The following DMD variants were observed in gnomAD, a reference collection of about 807,000 sequenced individuals.
The protein encoded by DMD is mutant dystrophin.
In DMD, 63 loss-of-function variants were observed where a neutral mutation model predicts 330.1. The observed-to-expected ratio is 0.19, with a 90% CI of 0.16 to 0.24. The LOEUF is 0.24. DMD is among the 10% of genes least tolerant of loss of function. The pLI is 1.00. For missense variants in DMD, 3,344 were observed against 2,684.1 expected (o/e 1.25, Z -5.43); for synonymous variants, 1,223 against 959.8 (o/e 1.27, Z -5.07).
intron 43 of DMD, among the ~76,000 whole-genome samples, chrX:32,267,348 C>T (rs982241286): frequency 8.9e-6 from 1 of 112,033 alleles, no homozygotes; most frequent in African/African-American, 3.2e-5. Flanking sequence ...ACCTATTAAC[C>T]AAAATATTTT....
At chrX:33,293,212 A>C (rs1409255827) in intron 1 of DMD, among the ~76,000 whole-genome samples, 1 of 111,540 alleles carries the variant, frequency 9.0e-6, no homozygotes, top group Non-Finnish European at 1.9e-5. Context: ...TGCCTAATAT[A>C]GTACCTTGGC....
intron 55 of DMD, among the ~76,000 whole-genome samples, chrX:31,586,538 T>C (rs145417203): frequency 8.9e-6 from 1 of 112,757 alleles, no homozygotes; most frequent in East Asian, 2.8e-4. Flanking sequence ...GTGAGAAAAA[T>C]GCCTACATGA....
chrX:32,406,803 C>T (rs1390067005), intron 30 of DMD, among the ~76,000 whole-genome samples: 1 of 111,017 alleles, frequency 9.0e-6, no homozygotes, highest in Non-Finnish European at 1.9e-5. Context: ...CAGAACAAAG[C>T]CCTCATAAAT....
chrX:31,727,587 C>A (rs761457780), intron 52 of DMD, among the ~76,000 whole-genome samples: 37 of 111,878 alleles, frequency 3.3e-4, no homozygotes, highest in Admixed American at 1.0e-3. Context: ...ATGCTCTGGA[C>A]ACAAAAGATG....
At chrX:32,015,981 C>G (rs1367612054) in intron 44 of DMD, among the ~76,000 whole-genome samples, 1 of 111,817 alleles carries the variant, frequency 8.9e-6, no homozygotes, top group Admixed American at 9.5e-5. Flanking sequence ...GGCAGCAACA[C>G]CCAACCCTCC....
At chrX:32,173,066 G>GGGGTGT (rs1246394111) in intron 44 of DMD, among the ~76,000 whole-genome samples, 22 of 89,624 alleles carry the variant, frequency 2.5e-4, no homozygotes, top group African/African-American at 6.9e-4. Flanking sequence ...ACCTGATTTT[G>GGGGTGT]GTGTGTGTGT....
chrX:31,944,417 ATTT>A (rs989282491), intron 45 of DMD, among the ~76,000 whole-genome samples: 3 of 110,707 alleles, frequency 2.7e-5, no homozygotes, highest in African/African-American at 9.9e-5. Context: ...CTAAACATTT[ATTT>A]TTTATTTCAA....
intron 43 of DMD, among the ~76,000 whole-genome samples, chrX:32,280,535 G>A (rs2097416591): frequency 9.0e-6 from 1 of 111,301 alleles, no homozygotes; most frequent in African/African-American, 3.3e-5. Flanking sequence ...AAATATGGTA[G>A]AGATTAATTC....
intron 43 of DMD, among the ~76,000 whole-genome samples, chrX:32,272,613 G>C (rs1368650902): frequency 9.0e-6 from 1 of 111,477 alleles, no homozygotes; most frequent in Non-Finnish European, 1.9e-5. Context: ...CTGGGGTCAC[G>C]ATATAGACTC....
chrX:32,403,496 A>G (rs56132370), intron 30 of DMD, among the ~76,000 whole-genome samples: 17,472 of 111,346 alleles, frequency 0.16, 1,205 homozygotes, highest in African/African-American at 0.25. Context: ...AAAGAAATCT[A>G]TATCTTTATC....
intron 9 of DMD, among the ~76,000 whole-genome samples, chrX:32,650,565 G>A (rs1216087335): frequency 8.9e-6 from 1 of 111,957 alleles, no homozygotes; most frequent in Non-Finnish European, 1.9e-5. Flanking sequence ...CATTTCCGCT[G>A]TGTTTTCTCA....
At chrX:32,920,029 A>G (rs2088239504) in intron 2 of DMD, among the ~76,000 whole-genome samples, 1 of 111,624 alleles carries the variant, frequency 9.0e-6, no homozygotes, top group African/African-American at 3.2e-5. Flanking sequence ...CATTTTGTTT[A>G]TTGATGTCAT....
chrX:33,134,481 C>T (rs1569556089), intron 1 of DMD, among the ~76,000 whole-genome samples: 1 of 112,061 alleles, frequency 8.9e-6, no homozygotes, highest in African/African-American at 3.2e-5. Flanking sequence ...ATCTGCTTAA[C>T]ACTTGGCCCT....
chrX:32,669,714 G>A (rs186346260), intron 9 of DMD, among the ~76,000 whole-genome samples: 2 of 110,369 alleles, frequency 1.8e-5, no homozygotes, highest in Non-Finnish European at 3.8e-5. Flanking sequence ...GCCCTTTTTG[G>A]TTTTTTTTGG....
At chrX:33,039,358 C>T (rs1440151112) in intron 1 of DMD, among the ~76,000 whole-genome samples, 3 of 107,372 alleles carry the variant, frequency 2.8e-5, no homozygotes, top group Non-Finnish European at 3.8e-5. Flanking sequence ...CCCCACCCCA[C>T]CCCACCAAAC....
At chrX:32,563,165 C>G (rs190724753) in intron 16 of DMD, among the ~76,000 whole-genome samples, 1 of 108,685 alleles carries the variant, frequency 9.2e-6, no homozygotes, top group Non-Finnish European at 1.9e-5. Context: ...ATGGTGAAAC[C>G]CCATCTCTAC....
At chrX:31,187,788 A>AGAGAGAGAGG in intron 67 of DMD, among the ~76,000 whole-genome samples, 1 of 89,114 alleles carries the variant, frequency 1.1e-5, no homozygotes, top group East Asian at 3.3e-4. Context: ...AGAGAGAGAG[A>AGAGAGAGAGG]ACAAGCAAGA....
At chrX:32,741,147 A>C (rs1222355941) in intron 7 of DMD, among the ~76,000 whole-genome samples, 1 of 111,710 alleles carries the variant, frequency 9.0e-6, no homozygotes, top group East Asian at 2.8e-4. Flanking sequence ...AATAATCATA[A>C]TAACGCAAGA....
chrX:33,258,219 T>C (rs2052890533), intron 1 of DMD, among the ~76,000 whole-genome samples: 1 of 111,605 alleles, frequency 9.0e-6, no homozygotes, highest in Non-Finnish European at 1.9e-5. Flanking sequence ...TGTGGTAGTT[T>C]GAACTGTGAG....
Sources: gnomAD v4.1 joint callset for allele counts (sites outside exome capture counted in the v4.1 genomes callset) on GRCh38, gnomAD v4.1.1 for gene constraint, MANE v1.5 for transcripts, NCBI Gene and HGNC (gene_info 2026-07-23, HGNC 2026-07-21) for gene names.